The following KREMEN1 variants were observed in gnomAD, a reference collection of about 807,000 sequenced individuals.
KREMEN1 encodes kremen protein 1.
KREMEN1 carries 30 observed loss-of-function variants against 46.5 expected under a neutral mutation model. That is an observed-to-expected ratio of 0.65 (90% CI 0.48 to 0.88). The LOEUF is 0.88. Among genes scored for constraint, KREMEN1 ranks in the 40% least tolerant of loss-of-function variants. The pLI, the probability that KREMEN1 is intolerant of heterozygous loss-of-function variation, is 0.00. For missense variants in KREMEN1, 533 were observed against 596.9 expected (o/e 0.89, Z 1.11); for synonymous variants, 214 against 230.6 (o/e 0.93, Z 0.65).
At chr22:29,104,603 A>C (rs1288250791) in intron 3 of KREMEN1, among the ~76,000 whole-genome samples, 1 of 152,224 alleles carries the variant, frequency 6.6e-6, no homozygotes, top group African/African-American at 2.4e-5. Flanking sequence ...TTAGTAAATA[A>C]AGTTTAAAAT....
At chr22:29,133,196 A>C (rs1406689914) in intron 5 of KREMEN1, among the ~76,000 whole-genome samples, 1 of 150,468 alleles carries the variant, frequency 6.6e-6, no homozygotes, top group Non-Finnish European at 1.5e-5. Flanking sequence ...TGCAGTGAGC[A>C]GAGATCGCGT....
At position 29,146,736 on chromosome 22, in the gene KREMEN1, G is replaced by A. The variant is rs2038870661; in HGVS notation, c.*4624G>A. 1 of 924,904 alleles carries A rather than the reference G, an allele frequency of 1.1e-6. No individual in the cohort carries two copies. Among genetic ancestry groups the A allele is most frequent in the Admixed American group, 6.2e-5 (1 of 16,162 alleles). The allele number at this position is 924,904 out of a possible 1,614,324, so 57.3% of individuals were successfully genotyped here. On this transcript the variant is annotated 3_prime_UTR_variant, in exon 9 of 9. Coordinates refer to ENST00000400335, the MANE Select transcript of KREMEN1 (RefSeq NM_001039570.3). ...TTAGGGTTTTGTTATTTAAGAAAAT[G>A]GAATGTAATGGTACTTTTACAAACG... is the stretch of plus-strand genomic sequence containing the variant.
chr22:29,130,116 T>G (rs1390952973), intron 5 of KREMEN1, among the ~76,000 whole-genome samples: 1 of 152,274 alleles, frequency 6.6e-6, no homozygotes. Flanking sequence ...CTATTCACTT[T>G]ACATGCGTTG....
intron 5 of KREMEN1, among the ~76,000 whole-genome samples, chr22:29,137,028 C>G (rs371896988): frequency 7.9e-5 from 12 of 152,198 alleles, no homozygotes; most frequent in African/African-American, 2.9e-4. Context: ...AAGAGGCCCG[C>G]GAGTGAAGTG....
intron 3 of KREMEN1, among the ~76,000 whole-genome samples, chr22:29,114,182 C>A (rs2038196772): frequency 6.6e-6 from 1 of 151,920 alleles, no homozygotes; most frequent in South Asian, 2.1e-4. Flanking sequence ...GGATTAGTGT[C>A]CCCATAAGGA....
At position 29,094,385 on chromosome 22, in the gene KREMEN1, C is replaced by A; in HGVS notation, c.225C>A (p.Asn75Lys). ...QHPYNTLKYP[N>K]GEGGLGEHNY... Reference sequence around the variant, plus strand: ...CATACAACACTCTGAAATACCCCAACGGGGAGGGGGGCCTGGGTGAGCACA... The same window carrying A: ...CATACAACACTCTGAAATACCCCAAAGGGGAGGGGGGCCTGGGTGAGCACA... Residue 75 changes from asparagine (N) to lysine (K), a missense_variant, in exon 2 of 9, where the codon AAC (asparagine) becomes AAA (lysine). Asn to Lys is a moderately conservative substitution (Grantham distance 94). Coordinates refer to ENST00000400335, the MANE Select transcript of KREMEN1 (RefSeq NM_001039570.3). 4 of 1,612,112 alleles carry A rather than the reference C, an allele frequency of 2.5e-6. No individual in the cohort carries two copies. The highest frequency in any genetic ancestry group is 3.4e-6 in the Non-Finnish European group (4 of 1,179,118).
Position 29,137,459 on chromosome 22 carries a change from G to A in KREMEN1, c.749G>A (p.Gly250Glu), listed in dbSNP as rs766684974. 1.9e-6 allele frequency: 3 copies of A among 1,605,402 alleles called. No individual in the cohort carries two copies. The highest frequency in any genetic ancestry group is 4.5e-5 in the East Asian group (2 of 44,578). The stretch of plus-strand genomic sequence containing the variant: ...TGCTACTGGACCATCCGGGTTCCGG[G>A]GGCCTCCCACATCCACTTCAGCTTC... ...RVCYWTIRVP[G>E]ASHIHFSFPL... Residue 250 changes from glycine to glutamate, a missense_variant, in exon 6 of 9, where the codon GGG (glycine) becomes GAG (glutamate). Transcript: ENST00000400335.
intron 2 of KREMEN1, among the ~76,000 whole-genome samples, chr22:29,097,338 C>G (rs1053014916): frequency 5.7e-4 from 87 of 152,342 alleles, no homozygotes; most frequent in African/African-American, 2.0e-3. Flanking sequence ...GTTATGCCAC[C>G]TATGAGTTGA....
intron 9 of KREMEN1, among the ~76,000 whole-genome samples, chr22:29,153,975 A>AC (rs1420646087): frequency 6.6e-6 from 1 of 151,718 alleles, no homozygotes; most frequent in African/African-American, 2.4e-5. Context: ...CTCTCAAAAA[A>AC]AAAAAAAAGA....
intron 1 of KREMEN1, among the ~76,000 whole-genome samples, chr22:29,092,831 T>G (rs1254423554): frequency 6.6e-6 from 1 of 151,944 alleles, no homozygotes. Context: ...CAAAATTAGC[T>G]GGGCATGGTG....
intron 5 of KREMEN1, among the ~76,000 whole-genome samples, chr22:29,137,043 C>A (rs966083471): frequency 1.3e-5 from 2 of 152,192 alleles, no homozygotes; most frequent in Non-Finnish European, 2.9e-5. Context: ...GAAGTGCGGC[C>A]CCTGCCATCA....
intron 2 of KREMEN1, 28 bp from the exon 3 acceptor site, chr22:29,098,834 T>A: frequency 1.3e-6 from 2 of 1,518,918 alleles, no homozygotes; most frequent in Non-Finnish European, 1.8e-6. Context: ...ACATCAGAAG[T>A]CATCAATTGT....
intron 1 of KREMEN1, among the ~76,000 whole-genome samples, chr22:29,086,113 C>A (rs1330280214): frequency 6.6e-6 from 1 of 151,638 alleles, no homozygotes; most frequent in Non-Finnish European, 1.5e-5. Context: ...GATTTTTAGC[C>A]ATGAGTACTT....
In KREMEN1 at chr22:29,138,687, C is replaced by T. The variant is rs558712379; in HGVS notation, c.1028C>T (p.Thr343Met). Reference sequence around the variant, plus strand: ...AACCAGACGGTGGCCGAGGTGATCACGGAGCAGGCCAACCTCAGTGTCAGC... The same window carrying T: ...AACCAGACGGTGGCCGAGGTGATCATGGAGCAGGCCAACCTCAGTGTCAGC... ...AVNQTVAEVI[T>M]EQANLSVSAA... The change falls in exon 7 of 9, where the codon ACG becomes ATG. Residue 343 changes from threonine to methionine, a missense_variant. Thr to Met is a moderately conservative substitution (Grantham distance 81). Coordinates refer to ENST00000400335, the MANE Select transcript of KREMEN1 (RefSeq NM_001039570.3). 5.0e-6 allele frequency: 8 copies of T among 1,614,086 alleles called. No homozygotes were observed. Among genetic ancestry groups the T allele is most frequent in the African/African-American group, 2.7e-5 (2 of 74,926 alleles).
intron 3 of KREMEN1, among the ~76,000 whole-genome samples, chr22:29,113,243 G>A (rs2145796245): frequency 6.6e-6 from 1 of 152,312 alleles, no homozygotes; most frequent in Non-Finnish European, 1.5e-5. Context: ...TTTCTTCTTT[G>A]TCCAGTAGGA....
downstream of KREMEN1, among the ~76,000 whole-genome samples, chr22:29,151,201 C>T (rs1388959995): frequency 6.6e-6 from 1 of 152,170 alleles, no homozygotes; most frequent in Non-Finnish European, 1.5e-5. Context: ...GGTCCAGAGA[C>T]CCCCTGCCCC....
At chr22:29,077,702 C>T (rs1210050230) in intron 1 of KREMEN1, among the ~76,000 whole-genome samples, 1 of 152,182 alleles carries the variant, frequency 6.6e-6, no homozygotes, top group Non-Finnish European at 1.5e-5. Flanking sequence ...ATCTGGGCCA[C>T]AGGCTGTGCT....
Position 29,119,623 on chromosome 22 carries a change from G to A in KREMEN1, c.353-1734G>A, listed in dbSNP as rs571786107. On this transcript the variant is annotated intron_variant, in intron 3 of 8. Transcript: ENST00000400335. ...TGCCAGGGCAGAGACCAAGTGTCAC[G>A]GGGGTATGCAAACATTGAGTGCATA... Among the ~76,000 whole-genome samples, 77 of 152,298 alleles carry A rather than the reference G, an allele frequency of 5.1e-4. 2 individuals carry two copies. The South Asian group carries it at 0.014, about 27-fold the overall frequency.
At chr22:29,085,197 G>A (rs1322257393) in intron 1 of KREMEN1, among the ~76,000 whole-genome samples, 2 of 152,156 alleles carry the variant, frequency 1.3e-5, no homozygotes, top group African/African-American at 4.8e-5. Flanking sequence ...CTATTTTCAA[G>A]ATGTTCTTTG....
Sources: allele counts gnomAD v4.1 joint callset (sites outside exome capture counted in the v4.1 genomes callset), GRCh38; gene constraint gnomAD v4.1.1; transcripts MANE v1.5; gene names NCBI Gene and HGNC (gene_info 2026-07-23, HGNC 2026-07-21).